The following NRG1 variants were observed in gnomAD, a reference collection of about 807,000 sequenced individuals.
NRG1 encodes the protein pro-neuregulin-1, membrane-bound isoform.
NRG1 carries 18 observed loss-of-function variants against 63.8 expected under a neutral mutation model. That is an observed-to-expected ratio of 0.28 (90% CI 0.19 to 0.42). The LOEUF (loss-of-function observed/expected upper bound fraction) is 0.42, where lower values mean the gene tolerates loss of function less well. Among genes scored for constraint, NRG1 ranks in the 10% least tolerant of loss-of-function variants. NRG1 has a pLI of 1.00. For synonymous variants in NRG1, 302 were observed against 301.3 expected, an observed-to-expected ratio of 1.00 and a Z score of -0.02; for missense variants, 762 against 814.7, an observed-to-expected ratio of 0.94 and a Z score of 0.79.
At chr8:32,135,985 T>A (rs1481342329) in intron 1 of NRG1, among the ~76,000 whole-genome samples, 1 of 150,008 alleles carries the variant, frequency 6.7e-6, no homozygotes, top group African/African-American at 2.4e-5. Context: ...AAAGAGAAGG[T>A]TGACAGTCAT....
chr8:32,179,649 C>T (rs1841216849), intron 1 of NRG1, among the ~76,000 whole-genome samples: 1 of 152,122 alleles, frequency 6.6e-6, no homozygotes, highest in South Asian at 2.1e-4. Context: ...TGTAGTTTCT[C>T]TATTACCAAG....
At chr8:32,155,721 T>C (rs1837988372) in intron 1 of NRG1, among the ~76,000 whole-genome samples, 1 of 152,202 alleles carries the variant, frequency 6.6e-6, no homozygotes. Context: ...TGTCACCATA[T>C]CTCTTCCTCT....
intron 1 of NRG1, among the ~76,000 whole-genome samples, chr8:32,412,451 T>TATATATATATATAC (rs1340279592): frequency 3.3e-5 from 2 of 59,952 alleles, no homozygotes; most frequent in African/African-American, 1.2e-4. Flanking sequence ...TATATATATA[T>TATATATATATATAC]ACATATATAT....
intron 1 of NRG1, among the ~76,000 whole-genome samples, chr8:32,052,052 A>G (rs1822059519): frequency 1.3e-5 from 2 of 152,092 alleles, no homozygotes; most frequent in Non-Finnish European, 2.9e-5. Context: ...AGCAGTTATT[A>G]TCAAGAGAAT....
chr8:31,943,974 G>A (rs1208526795), intron 1 of NRG1, among the ~76,000 whole-genome samples: 1 of 152,134 alleles, frequency 6.6e-6, no homozygotes, highest in Non-Finnish European at 1.5e-5. Flanking sequence ...ACTATTACTT[G>A]TTTATCAAAA....
chr8:32,639,696 G>A (rs1360971940), intron 5 of NRG1, among the ~76,000 whole-genome samples: 2 of 152,192 alleles, frequency 1.3e-5, no homozygotes, highest in African/African-American at 2.4e-5. Context: ...TTTGCTATAA[G>A]TGATATGCTG....
At chr8:32,282,887 A>G (rs563023734) in intron 1 of NRG1, among the ~76,000 whole-genome samples, 73 of 152,262 alleles carry the variant, frequency 4.8e-4, no homozygotes, top group African/African-American at 1.6e-3. Context: ...AGGGGAAAAT[A>G]GAAGACAGGT....
At chr8:32,461,829 A>C (rs892516044) in intron 1 of NRG1, among the ~76,000 whole-genome samples, 1 of 152,198 alleles carries the variant, frequency 6.6e-6, no homozygotes, top group Non-Finnish European at 1.5e-5. Flanking sequence ...TATTCTTCTA[A>C]ACCACCAAAT....
intron 1 of NRG1, among the ~76,000 whole-genome samples, chr8:32,257,778 C>A (rs1439164939): frequency 6.6e-6 from 1 of 152,172 alleles, no homozygotes; most frequent in African/African-American, 2.4e-5. Flanking sequence ...GACTTGAAGA[C>A]CTGTGTCTCT....
chr8:31,806,435 C>T (rs1345791837), intron 1 of NRG1, among the ~76,000 whole-genome samples: 1 of 152,076 alleles, frequency 6.6e-6, no homozygotes, highest in Admixed American at 6.5e-5. Flanking sequence ...TAATGTTCCA[C>T]AACTCTTTCA....
At chr8:32,119,733 T>C (rs889919557) in intron 1 of NRG1, among the ~76,000 whole-genome samples, 6 of 151,970 alleles carry the variant, frequency 3.9e-5, no homozygotes, top group African/African-American at 1.2e-4. Flanking sequence ...GAAGGCCATA[T>C]GTCAAAATGG....
intron 1 of NRG1, among the ~76,000 whole-genome samples, chr8:32,150,357 A>G (rs1391410830): frequency 2.6e-5 from 4 of 152,338 alleles, no homozygotes; most frequent in East Asian, 3.9e-4. Flanking sequence ...TTCAAAATTC[A>G]TATGTTGGAT....
chr8:31,770,770 C>CATAT (rs4036035), intron 1 of NRG1, among the ~76,000 whole-genome samples: 3,953 of 140,342 alleles, frequency 0.028, 61 homozygotes, highest in Middle Eastern at 0.036. Context: ...GTATAATAAA[C>CATAT]ATATATATAT....
intron 5 of NRG1, among the ~76,000 whole-genome samples, chr8:32,725,432 CA>C (rs1463567361): frequency 7.0e-6 from 1 of 142,688 alleles, no homozygotes; most frequent in African/African-American, 2.6e-5. Context: ...CCTTTCAGCA[CA>C]AAACCTTTAA....
At chr8:32,289,955 T>C (rs1005275949) in intron 1 of NRG1, among the ~76,000 whole-genome samples, 6 of 152,152 alleles carry the variant, frequency 3.9e-5, no homozygotes, top group African/African-American at 9.7e-5. Flanking sequence ...ATATAAAATA[T>C]CAGGGCCAGG....
At chr8:31,771,318 G>A (rs2345990) in intron 1 of NRG1, among the ~76,000 whole-genome samples, 116,623 of 152,186 alleles carry the variant, frequency 0.77, 45,089 homozygotes, top group East Asian at 0.99. Flanking sequence ...GTGTGTTTCA[G>A]TTGCTGAGTA....
In NRG1 at chr8:32,412,423, CATATATATATATATATATATATA is replaced by C. The variant is rs1563428286; in HGVS notation, c.38-183404_38-183382del. Among the ~76,000 whole-genome samples, 158 of 93,034 alleles carry C rather than the reference CATATATATATATATATATATATA, an allele frequency of 1.7e-3. 1 individual carries two copies. The highest frequency in any genetic ancestry group is 5.7e-3 in the Middle Eastern group (1 of 174). The allele number at this position is 93,034 out of a possible 152,430, so 61.0% of individuals were successfully genotyped here. ...TCCTCTCTCTCTCTCTCTCTCTCTACATATATATATATATATATATATATATATACATATATATATATATATAT... is the reference window on the plus strand; with the variant it reads ...TCCTCTCTCTCTCTCTCTCTCTCTACTATATACATATATATATATATATAT... On this transcript the variant is annotated intron_variant, in intron 1 of 10. Coordinates refer to the NRG1 transcript ENST00000519301.
At chr8:32,065,759 A>G (rs1440534227) in intron 1 of NRG1, among the ~76,000 whole-genome samples, 2 of 152,160 alleles carry the variant, frequency 1.3e-5, no homozygotes, top group Non-Finnish European at 2.9e-5. Context: ...AGGAATCGCC[A>G]CCCTGACTTC....
intron 1 of NRG1, among the ~76,000 whole-genome samples, chr8:32,027,466 T>TCCCTCCCTCCCTCCCTCCCTCCC (rs1554604299): frequency 8.2e-5 from 5 of 60,856 alleles, no homozygotes; most frequent in African/African-American, 3.2e-4. Flanking sequence ...CCTTCCTTCC[T>TCCCTCCCTCCCTCCCTCCCTCCC]TCCCTCCCTC....
Sources: allele counts gnomAD v4.1 joint callset (sites outside exome capture counted in the v4.1 genomes callset), GRCh38; gene constraint gnomAD v4.1.1; transcripts MANE v1.5; gene names NCBI Gene and HGNC (gene_info 2026-07-23, HGNC 2026-07-21).